ERBB4: variants seen among roughly 807,000 people sequenced by gnomAD.
ERBB4 encodes the protein erb-b2 receptor tyrosine kinase 4.
In ERBB4, 42 loss-of-function variants were observed where a neutral mutation model predicts 158.0. That is an observed-to-expected ratio of 0.27 (90% CI 0.21 to 0.34). The LOEUF is 0.34. Ranked by LOEUF, ERBB4 falls within the 10% of genes least tolerant of loss-of-function variation. The probability of loss-of-function intolerance (pLI) is 1.00; values close to 1 mark genes in which losing one functional copy is unlikely to be tolerated. For synonymous variants in ERBB4, 583 were observed against 558.7 expected (o/e 1.04, Z -0.61); for missense variants, 1,333 against 1,624.1 (o/e 0.82, Z 3.08).
intron 1 of ERBB4, among the ~76,000 whole-genome samples, chr2:212,528,798 T>C (rs1329690497): frequency 6.6e-6 from 1 of 152,138 alleles, no homozygotes; most frequent in Admixed American, 6.6e-5. Flanking sequence ...GTGAATCATC[T>C]AAAAGAGCAA....
intron 2 of ERBB4, among the ~76,000 whole-genome samples, chr2:212,092,288 A>T (rs564954529): frequency 6.6e-6 from 1 of 152,224 alleles, no homozygotes; most frequent in Non-Finnish European, 1.5e-5. Context: ...TCATTTACAC[A>T]TCAGATATTA....
At chr2:212,045,978 C>T (rs968852854) in intron 2 of ERBB4, among the ~76,000 whole-genome samples, 2 of 152,094 alleles carry the variant, frequency 1.3e-5, no homozygotes, top group Non-Finnish European at 2.9e-5. Flanking sequence ...TGGAATAAAC[C>T]GTCTTAGACT....
intron 1 of ERBB4, among the ~76,000 whole-genome samples, chr2:212,411,732 C>T (rs1377938102): frequency 6.6e-6 from 1 of 152,082 alleles, no homozygotes; most frequent in African/African-American, 2.4e-5. Flanking sequence ...TCTCTCTCTC[C>T]CTTGCACCTT....
At position 212,074,573 on chromosome 2, in the gene ERBB4, G is replaced by A. The variant is rs189890786; in HGVS notation, c.234+50179C>T. On this transcript the variant is annotated intron_variant, in intron 2 of 27. Transcript: ENST00000342788. Reference sequence around the variant, plus strand: ...TACAGGACATTCAACAGGTTGGCAGGTATTTTGATGAATATCATCTTAGTG... The same window carrying A: ...TACAGGACATTCAACAGGTTGGCAGATATTTTGATGAATATCATCTTAGTG... 2.5e-3 allele frequency among the ~76,000 whole-genome samples: 382 copies of A among 152,024 alleles called. 1 individual carries two copies. The highest frequency in any genetic ancestry group is 8.8e-3 in the African/African-American group (367 of 41,522).
intron 1 of ERBB4, among the ~76,000 whole-genome samples, chr2:212,399,594 G>A (rs2091141570): frequency 7.7e-6 from 1 of 130,252 alleles, no homozygotes. Flanking sequence ...ATTGGGCGTG[G>A]TGTCTTATGC....
chr2:212,399,586 TG>T (rs1560214716), intron 1 of ERBB4, among the ~76,000 whole-genome samples: 29 of 103,062 alleles, frequency 2.8e-4, no homozygotes, highest in African/African-American at 9.2e-4. Flanking sequence ...ATATATATAT[TG>T]GGCGTGGTGT....
chr2:211,630,967 T>C (rs1452458355), intron 16 of ERBB4, among the ~76,000 whole-genome samples: 2 of 152,190 alleles, frequency 1.3e-5, no homozygotes, highest in South Asian at 2.1e-4. Context: ...GGAAATGCAT[T>C]GTAAGAATAT....
intron 1 of ERBB4, among the ~76,000 whole-genome samples, chr2:212,452,259 T>C (rs535985628): frequency 6.6e-6 from 1 of 152,296 alleles, no homozygotes; most frequent in East Asian, 1.9e-4. Flanking sequence ...CTTGTGACAA[T>C]GTCAGTCTTC....
chr2:212,057,753 C>T (rs914834145), intron 2 of ERBB4, among the ~76,000 whole-genome samples: 1 of 152,144 alleles, frequency 6.6e-6, no homozygotes, highest in African/African-American at 2.4e-5. Flanking sequence ...ACACAACATA[C>T]CAGAATCTCT....
intron 20 of ERBB4, among the ~76,000 whole-genome samples, chr2:211,546,131 G>C (rs1386429430): frequency 6.6e-6 from 1 of 150,924 alleles, no homozygotes; most frequent in African/African-American, 2.4e-5. Context: ...CGTAGAAATA[G>C]TGTTTAGCCT....
At chr2:211,626,863 T>G (rs1200810030) in intron 17 of ERBB4, among the ~76,000 whole-genome samples, 1 of 151,484 alleles carries the variant, frequency 6.6e-6, no homozygotes, top group East Asian at 1.9e-4. Flanking sequence ...AGGCGGAGCT[T>G]GCAGTGAGCC....
chr2:212,498,416 A>G (rs1210851285), intron 1 of ERBB4, among the ~76,000 whole-genome samples: 2 of 152,168 alleles, frequency 1.3e-5, no homozygotes, highest in East Asian at 3.8e-4. Flanking sequence ...GCTTTAGCCA[A>G]TGTAGAATAA....
At chr2:212,086,279 G>A (rs778661600) in intron 2 of ERBB4, among the ~76,000 whole-genome samples, 3 of 150,868 alleles carry the variant, frequency 2.0e-5, no homozygotes, top group South Asian at 2.1e-4. Flanking sequence ...CAGGAAATAC[G>A]AATGATAGAT....
chr2:211,695,790 G>A (rs1264822993), intron 12 of ERBB4, among the ~76,000 whole-genome samples: 1 of 151,816 alleles, frequency 6.6e-6, no homozygotes, highest in East Asian at 1.9e-4. Context: ...CCCCCAAAAG[G>A]CATTTTTTCA....
chr2:212,197,785 A>G lies in ERBB4; in HGVS notation c.83-72882T>C, dbSNP rs58195143. 5.0e-3 allele frequency among the ~76,000 whole-genome samples: 769 copies of G among 152,330 alleles called. 7 individuals are homozygous for G. The highest frequency in any genetic ancestry group is 0.018 in the African/African-American group (732 of 41,580). ...GTAGCATTTTTGAAGGGTCTATGAA[A>G]AAGTGAATTAGGGAGCATACTCTGA... On this transcript the variant is annotated intron_variant, in intron 1 of 27. Coordinates refer to ENST00000342788, the MANE Select transcript of ERBB4 (RefSeq NM_005235.3).
chr2:212,132,869 G>A (rs2080149521), intron 1 of ERBB4, among the ~76,000 whole-genome samples: 1 of 151,966 alleles, frequency 6.6e-6, no homozygotes, highest in Non-Finnish European at 1.5e-5. Context: ...CAGACAAATT[G>A]ACATAGAAAA....
At chr2:211,735,218 A>T (rs1038266601) in intron 5 of ERBB4, among the ~76,000 whole-genome samples, 1 of 98,190 alleles carries the variant, frequency 1.0e-5, no homozygotes. Flanking sequence ...GTATCACATG[A>T]ATTTAAAAAA....
intron 16 of ERBB4, among the ~76,000 whole-genome samples, chr2:211,634,060 G>A (rs2070259641): frequency 6.6e-6 from 1 of 152,194 alleles, no homozygotes; most frequent in Non-Finnish European, 1.5e-5. Context: ...TCCAGAGGCC[G>A]AGGCAGGAGA....
At chr2:211,429,256 G>A (rs1050519303) in intron 21 of ERBB4, among the ~76,000 whole-genome samples, 3 of 151,984 alleles carry the variant, frequency 2.0e-5, no homozygotes, top group African/African-American at 7.2e-5. Flanking sequence ...CACATTTTGG[G>A]CCACCAGTAC....
Sources: gnomAD v4.1 joint callset for allele counts (sites outside exome capture counted in the v4.1 genomes callset) on GRCh38, gnomAD v4.1.1 for gene constraint, MANE v1.5 for transcripts, NCBI Gene and HGNC (gene_info 2026-07-23, HGNC 2026-07-21) for gene names.